Variants in LRRFIP2 observed in about 807,000 individuals in gnomAD.
The protein encoded by LRRFIP2 is LRR binding FLII interacting protein 2.
In LRRFIP2, 109 loss-of-function variants were observed where a neutral mutation model predicts 125.9. The observed-to-expected ratio is 0.87, with a 90% confidence interval of 0.74 to 1.01. LRRFIP2 has a LOEUF of 1.01. LRRFIP2 is among the 50% of genes least tolerant of loss of function. The pLI is 0.00. For missense variants in LRRFIP2, 850 were observed against 862.3 expected (o/e 0.99, Z 0.18); for synonymous variants, 291 against 293.1 (o/e 0.99, Z 0.07).
rs754836770 is a variant in LRRFIP2, at chr3:37,091,466, C to A, written c.1107+1G>T. On this transcript the variant is annotated splice_donor_variant, in intron 18 of 27. Coordinates refer to ENST00000336686, the MANE Select transcript of LRRFIP2 (RefSeq NM_006309.4). LOFTEE classifies it high-confidence loss of function. ...TTGGGCTGCAGAATGGGCCCTGATA[C>A]CTTTAGTTCTTTAAGCCCCTGCATG... is the stretch of plus-strand genomic sequence containing the variant. 1 of 1,608,968 alleles carries A rather than the reference C, an allele frequency of 6.2e-7. No homozygotes were observed. Among genetic ancestry groups the A allele is most frequent in the Non-Finnish European group, 8.5e-7 (1 of 1,177,972 alleles).
chr3:37,105,503 T>A lies in LRRFIP2; in HGVS notation c.735A>T (p.Ala245=), dbSNP rs2094274372. The change falls in exon 14 of 28, where the codon GCA becomes GCT. Residue 245 remains alanine, a synonymous_variant. Coordinates refer to ENST00000336686, the MANE Select transcript of LRRFIP2 (RefSeq NM_006309.4). ...TGGCACGATCAGAAGACACAATGCT[T>A]GCAGTGTCATCGTTGGTAAACTATA... ...SSPGFTNDDT[A]SIVSSDRASR... 1 of 1,613,514 alleles carries A rather than the reference T, an allele frequency of 6.2e-7. No homozygotes were observed. Among genetic ancestry groups the A allele is most frequent in the African/African-American group, 1.3e-5 (1 of 74,928 alleles).
In LRRFIP2 at chr3:37,091,546, A is replaced by G. The variant is rs1166679037; in HGVS notation, c.1036-8T>C. The stretch of plus-strand genomic sequence containing the variant: ...CTTAAGGTCATAGATATCCTGCAGG[A>G]CATAGGAATGAACCATTGCATAAAA... On this transcript the variant is annotated splice_region_variant and splice_polypyrimidine_tract_variant and intron_variant, in intron 17 of 27. Coordinates refer to ENST00000336686, the MANE Select transcript of LRRFIP2 (RefSeq NM_006309.4). 6.3e-7 allele frequency: 1 copy of G among 1,597,628 alleles called. No individual in the cohort carries two copies. Among genetic ancestry groups the G allele is most frequent in the Non-Finnish European group, 8.5e-7 (1 of 1,170,574 alleles).
intron 1 of LRRFIP2, chr3:37,170,588 C>A (rs1373626980): frequency 6.6e-6 from 1 of 152,188 alleles, no homozygotes; most frequent in Non-Finnish European, 1.5e-5. Flanking sequence ...TCCTTTTGAT[C>A]TTAACGACAA....
chr3:37,131,435 T>TA (rs201340919), intron 2 of LRRFIP2, among the ~76,000 whole-genome samples: 4,271 of 150,858 alleles, frequency 0.028, 80 homozygotes, highest in Non-Finnish European at 0.048. Context: ...CAAGGTCTGC[T>TA]AAAAAAAAAC....
At chr3:37,089,483 C>T (rs1311530905) in intron 18 of LRRFIP2, among the ~76,000 whole-genome samples, 1 of 152,152 alleles carries the variant, frequency 6.6e-6, no homozygotes, top group Non-Finnish European at 1.5e-5. Context: ...ATACATCATA[C>T]CACCATGCTT....
At chr3:37,091,622 C>A in intron 17 of LRRFIP2, 84 bp from the exon 18 acceptor site, 2 of 972,740 alleles carry the variant, frequency 2.1e-6, no homozygotes, top group Non-Finnish European at 3.1e-6. Context: ...AAATGTGACT[C>A]ACTTTTGTAT....
chr3:37,076,830 C>A (rs953951840), intron 19 of LRRFIP2, among the ~76,000 whole-genome samples: 5 of 152,044 alleles, frequency 3.3e-5, no homozygotes, highest in African/African-American at 1.2e-4. Context: ...TGCGCCATTG[C>A]ACTCCAGCCT....
In LRRFIP2 at chr3:37,066,292, G is replaced by A; in HGVS notation, c.1498C>T (p.Leu500Phe). The change falls in exon 22 of 28, where the codon CTT becomes TTT. Residue 500 changes from leucine to phenylalanine, a missense_variant. By Grantham distance (22) the Leu-to-Phe change is conservative (BLOSUM62 0). Transcript: ENST00000336686. The part of the protein sequence containing the change: ...LEKQKEYIAC[L>F]RNERDMLREE... ...CTGAGCATATCTCGCTCATTCCTAAGGCAGGCAATGTATTCTTTCTGTTTC... is the reference window on the plus strand; with the variant it reads ...CTGAGCATATCTCGCTCATTCCTAAAGCAGGCAATGTATTCTTTCTGTTTC... 1 of 1,614,106 alleles carries A rather than the reference G, an allele frequency of 6.2e-7. No homozygotes were observed. Among genetic ancestry groups the A allele is most frequent in the South Asian group, 1.1e-5 (1 of 91,086 alleles).
chr3:37,131,601 T>A (rs1352042810), intron 2 of LRRFIP2, among the ~76,000 whole-genome samples: 2 of 152,218 alleles, frequency 1.3e-5, no homozygotes, highest in African/African-American at 2.4e-5. Context: ...TGATTCAGAC[T>A]ATCCCCTCTG....
chr3:37,097,780 AT>A (rs2093800876), intron 15 of LRRFIP2, among the ~76,000 whole-genome samples: 1 of 152,156 alleles, frequency 6.6e-6, no homozygotes, highest in Non-Finnish European at 1.5e-5. Context: ...GAGGTGACAG[AT>A]TTTGCTGAAG....
rs937590085 is a variant in LRRFIP2 at position 37,170,762 on chromosome 3, T to C, written c.-56+3777A>G. 2.0e-5 allele frequency: 3 copies of C among 152,216 alleles called. No homozygotes were observed. In the East Asian group the frequency reaches 5.8e-4, roughly 29 times the overall value. 9.4% of individuals were successfully genotyped at this position (152,216 alleles called of 1,614,324 possible). A position where few individuals can be genotyped will look rare whatever the true frequency, so the allele number is the denominator to read the frequency against. On this transcript the variant is annotated intron_variant, in intron 1 of 27. Transcript: ENST00000336686. The stretch of plus-strand genomic sequence containing the variant: ...GCTGGCACAATCCTATGCTCTTTCT[T>C]GTGCACCTTTTTCTAAAAACTTTCC...
chr3:37,084,697 T>C (rs989144861), intron 18 of LRRFIP2, among the ~76,000 whole-genome samples: 3 of 151,548 alleles, frequency 2.0e-5, no homozygotes, highest in African/African-American at 7.3e-5. Context: ...TAAGAGAGTC[T>C]GATCTAGTGT....
intron 19 of LRRFIP2, among the ~76,000 whole-genome samples, chr3:37,077,184 TC>T (rs1281799097): frequency 6.6e-6 from 1 of 152,216 alleles, no homozygotes; most frequent in Admixed American, 6.5e-5. Flanking sequence ...ATCTCACTCT[TC>T]ATCATAGATA....
intron 7 of LRRFIP2, 50 bp from the exon 8 acceptor site, chr3:37,113,030 T>A (rs759256503): frequency 9.6e-7 from 1 of 1,043,826 alleles, no homozygotes; most frequent in Non-Finnish European, 1.5e-6. Context: ...AGCGAAGTTA[T>A]GAAAATAATA....
intron 1 of LRRFIP2, among the ~76,000 whole-genome samples, chr3:37,154,167 C>T (rs908106257): frequency 2.0e-5 from 3 of 152,104 alleles, no homozygotes; most frequent in Admixed American, 6.5e-5. Context: ...CAGAGGGAGA[C>T]CCTGTCTCAA....
chr3:37,148,663 T>C (rs2095922978), intron 2 of LRRFIP2, among the ~76,000 whole-genome samples: 1 of 152,268 alleles, frequency 6.6e-6, no homozygotes, highest in Non-Finnish European at 1.5e-5. Flanking sequence ...ACAATTCTAC[T>C]GTCTCAAATA....
chr3:37,053,628 C>A lies in LRRFIP2; in HGVS notation c.*223G>T. On this transcript the variant is annotated 3_prime_UTR_variant, in exon 28 of 28. Coordinates refer to ENST00000336686, the MANE Select transcript of LRRFIP2 (RefSeq NM_006309.4). ...TTACGGAGATAAAAAATAAAAACAG[C>A]ATGGACTGGTTCTACCCTAGAATCA... The A allele has an allele frequency of 3.9e-6, 2 of 509,652 alleles. No homozygotes were observed. Among genetic ancestry groups the A allele is most frequent in the Non-Finnish European group, 7.0e-6 (2 of 284,938 alleles). 31.6% of individuals were successfully genotyped at this position (509,652 alleles called of 1,614,324 possible). A position where few individuals can be genotyped will look rare whatever the true frequency, so the allele number is the denominator to read the frequency against.
intron 2 of LRRFIP2, among the ~76,000 whole-genome samples, chr3:37,130,740 T>C (rs547486010): frequency 8.3e-4 from 126 of 152,330 alleles, no homozygotes; most frequent in Non-Finnish European, 1.6e-3. Context: ...AGTGATTGTG[T>C]TGGAGTAATC....
At chr3:37,162,121 A>T (rs2150252653) in intron 1 of LRRFIP2, among the ~76,000 whole-genome samples, 1 of 136,184 alleles carries the variant, frequency 7.3e-6, no homozygotes, top group Admixed American at 8.6e-5. Flanking sequence ...ATGCTACTGT[A>T]CTCCAGCCTG....
Sources: gnomAD v4.1 joint callset for allele counts (sites outside exome capture counted in the v4.1 genomes callset) on GRCh38, gnomAD v4.1.1 for gene constraint, MANE v1.5 for transcripts, NCBI Gene and HGNC (gene_info 2026-07-23, HGNC 2026-07-21) for gene names.